The following ARHGEF17 variants were observed in gnomAD, a reference collection of about 807,000 sequenced individuals.
The protein encoded by ARHGEF17 is Rho guanine nucleotide exchange factor 17, also known as 164 kDa Rho-specific guanine-nucleotide exchange factor.
A neutral mutation model predicts 174.0 loss-of-function variants in ARHGEF17; 80 were observed. The ratio of observed to expected loss-of-function variants is 0.46; its 90% confidence interval spans 0.38 to 0.55. The LOEUF (loss-of-function observed/expected upper bound fraction) is 0.55, where lower values mean the gene tolerates loss of function less well. ARHGEF17 is among the 20% of genes least tolerant of loss of function. The pLI is 0.00. For missense variants in ARHGEF17, 2,886 were observed against 2,839.7 expected (o/e 1.02, Z -0.37); for synonymous variants, 1,311 against 1,189.1 (o/e 1.10, Z -2.11).
rs1565184957 is a variant in ARHGEF17, at chr11:73,310,943, C to T, written c.2305C>T (p.Leu769Phe). Residue 769 changes from leucine (L) to phenylalanine (F), a missense_variant, in exon 1 of 21, where the codon CTC becomes TTC. Leu to Phe is a conservative substitution (Grantham distance 22). Around this residue, in one of 4 missense-constraint regions of ARHGEF17, gnomAD observed 1,728 missense variants for 1,461.2 expected, o/e 1.18. Transcript: ENST00000263674. Reference sequence around the variant, plus strand: ...GGGCTCACTGAGCCCCAAGACAGGGCTCCCTGCCACCTCAGCCATGGATGA... The same window carrying T: ...GGGCTCACTGAGCCCCAAGACAGGGTTCCCTGCCACCTCAGCCATGGATGA... The part of the protein sequence containing the change: ...LLGSLSPKTG[L>F]PATSAMDEGL... 6.2e-7 allele frequency: 1 copy of T among 1,614,116 alleles called. No individual in the cohort carries two copies. The highest frequency in any genetic ancestry group is 2.2e-5 in the East Asian group (1 of 44,878).
At chr11:73,359,703 T>G in intron 9 of ARHGEF17, 131 bp from the exon 10 acceptor site, 1 of 707,998 alleles carries the variant, frequency 1.4e-6, no homozygotes, top group Admixed American at 2.9e-5. Context: ...GAGCTTGGGG[T>G]TTCTATGCTT....
intron 1 of ARHGEF17, among the ~76,000 whole-genome samples, chr11:73,322,232 C>A (rs1211848613): frequency 3.3e-5 from 5 of 152,202 alleles, no homozygotes; most frequent in African/African-American, 1.2e-4. Flanking sequence ...TTCTTGGTAT[C>A]CCCCGCCTTT....
intron 12 of ARHGEF17, among the ~76,000 whole-genome samples, chr11:73,361,692 A>G (rs1050180338): frequency 6.6e-6 from 1 of 152,090 alleles, no homozygotes; most frequent in African/African-American, 2.4e-5. Flanking sequence ...TATCTCTACA[A>G]AAAATTCAAA....
chr11:73,360,272 G>A lies in ARHGEF17; in HGVS notation c.4207-48G>A, dbSNP rs375683089. ...CCCCACACATTAAGGGCAGGTGCAG[G>A]CTCTGGTGAGATGCTGGGGCCTGAG... On this transcript the variant is annotated intron_variant, in intron 10 of 20. Coordinates refer to ENST00000263674, the MANE Select transcript of ARHGEF17 (RefSeq NM_014786.4). The A allele has an allele frequency of 2.1e-4, 334 of 1,602,740 alleles. 1 individual carries two copies. The highest frequency in any genetic ancestry group is 2.7e-4 in the Non-Finnish European group (316 of 1,173,480).
chr11:73,309,578 A>T lies in ARHGEF17; in HGVS notation c.940A>T (p.Asn314Tyr). Residue 314 changes from asparagine to tyrosine, a missense_variant, in exon 1 of 21, where the codon AAT (asparagine) becomes TAT (tyrosine). Transcript: ENST00000263674. ...CTGCAGGCCTGACAGTGATGGGTTAAATCTAAGCAGCATGAACTCAGCAGG... is the reference window on the plus strand; with the variant it reads ...CTGCAGGCCTGACAGTGATGGGTTATATCTAAGCAGCATGAACTCAGCAGG... ...QDCRPDSDGLNLSSMNSAGVS... is the reference protein window; with the variant it reads ...QDCRPDSDGLYLSSMNSAGVS... 1 of 1,612,220 alleles carries T rather than the reference A, an allele frequency of 6.2e-7. No individual in the cohort carries two copies. The highest frequency in any genetic ancestry group is 8.5e-7 in the Non-Finnish European group (1 of 1,179,412).
intron 20 of ARHGEF17, among the ~76,000 whole-genome samples, chr11:73,366,264 G>T (rs1865837235): frequency 6.6e-6 from 1 of 152,142 alleles, no homozygotes; most frequent in South Asian, 2.1e-4. Context: ...TAGAAAATAT[G>T]TCCTGTTGTA....
Position 73,365,334 on chromosome 11 carries a change from G to A in ARHGEF17, c.5551-56G>A. 1 of 1,596,560 alleles carries A rather than the reference G, an allele frequency of 6.3e-7. No homozygotes were observed. Among genetic ancestry groups the A allele is most frequent in the Non-Finnish European group, 8.6e-7 (1 of 1,168,338 alleles). On this transcript the variant is annotated intron_variant, in intron 18 of 20. Coordinates refer to ENST00000263674, the MANE Select transcript of ARHGEF17 (RefSeq NM_014786.4). This position sits in a 1 kb window ranked among gnomAD's most constrained non-coding sequence, Gnocchi z 4.9. ...GACACTGGTGAAGCTCCAGGCTAGG[G>A]TGGGCCAAGGGAGGCAGGCCTGCCA...
chr11:73,364,094 A>G, intron 16 of ARHGEF17, 78 bp from the exon 17 acceptor site: 1 of 1,440,388 alleles, frequency 6.9e-7, no homozygotes, highest in South Asian at 1.2e-5. Flanking sequence ...TACCCATTCT[A>G]TCTGTGGTTC....
intron 2 of ARHGEF17, among the ~76,000 whole-genome samples, chr11:73,351,354 A>T (rs541435421): frequency 3.7e-4 from 57 of 152,240 alleles, no homozygotes; most frequent in Middle Eastern, 6.8e-3. Flanking sequence ...GTTACAGCGT[A>T]GGGCCAGTAG....
chr11:73,335,181 C>T (rs140975647), intron 1 of ARHGEF17, among the ~76,000 whole-genome samples: 1,685 of 152,226 alleles, frequency 0.011, 14 homozygotes, highest in Non-Finnish European at 0.018. Context: ...TTTAGCAAGT[C>T]CTACCTACCC....
Position 73,360,438 on chromosome 11 carries a change from G to C in ARHGEF17, c.4325G>C (p.Arg1442Pro). Residue 1442 changes from arginine (R) to proline (P), a missense_variant, in exon 11 of 21, where the codon CGG becomes CCG. Around this residue, in one of 4 missense-constraint regions of ARHGEF17, gnomAD observed 476 missense variants for 473.1 expected, o/e 1.01. Transcript: ENST00000263674. ...ACCAAGCTGGAGCTGTGCGCCACTC[G>C]GCCCGAGGGCACCGACTCCTACATT... ...PPTKLELCAT[R>P]PEGTDSYIFE... 1 of 1,614,006 alleles carries C rather than the reference G, an allele frequency of 6.2e-7. No individual in the cohort carries two copies.
chr11:73,328,232 G>C (rs559471048), intron 1 of ARHGEF17, among the ~76,000 whole-genome samples: 6 of 152,318 alleles, frequency 3.9e-5, no homozygotes, highest in African/African-American at 1.2e-4. Flanking sequence ...AGGGAGGCTT[G>C]GAGTTCCCCA....
intron 1 of ARHGEF17, among the ~76,000 whole-genome samples, chr11:73,344,164 G>T (rs1219405381): frequency 6.6e-6 from 1 of 152,160 alleles, no homozygotes; most frequent in African/African-American, 2.4e-5. Context: ...TGGGGAGGCT[G>T]GGTGTGAAGG....
At chr11:73,317,799 T>C (rs1213931685) in intron 1 of ARHGEF17, among the ~76,000 whole-genome samples, 4 of 152,146 alleles carry the variant, frequency 2.6e-5, no homozygotes, top group Non-Finnish European at 5.9e-5. Flanking sequence ...GCTGCTGGGC[T>C]CTGTGCAGTG....
chr11:73,353,204 C>G (rs1050294630), intron 3 of ARHGEF17, 192 bp downstream of exon 3: 5 of 711,956 alleles, frequency 7.0e-6, no homozygotes, highest in African/African-American at 1.8e-5. Context: ...CACTCCCCTA[C>G]CCCAAAGCTT....
chr11:73,309,770 C>G lies in ARHGEF17; in HGVS notation c.1132C>G (p.Pro378Ala). 1 of 1,613,016 alleles carries G rather than the reference C, an allele frequency of 6.2e-7. No homozygotes were observed. Among genetic ancestry groups the G allele is most frequent in the Admixed American group, 1.7e-5 (1 of 60,028 alleles). Residue 378 changes from proline to alanine, a missense_variant, in exon 1 of 21, where the codon CCC (proline) becomes GCC (alanine). By Grantham distance (27) the Pro-to-Ala change is conservative. Transcript: ENST00000263674. Reference sequence around the variant, plus strand: ...TTTCCGTGTGGCCAAGGTGAGCTTTCCCTCGTACCTGGCCAGCCCCGCAGG... The same window carrying G: ...TTTCCGTGTGGCCAAGGTGAGCTTTGCCTCGTACCTGGCCAGCCCCGCAGG... The part of the protein sequence containing the change: ...GAFRVAKVSF[P>A]SYLASPAGSR...
chr11:73,348,161 AG>A (rs1008913493), intron 2 of ARHGEF17, among the ~76,000 whole-genome samples: 9 of 152,172 alleles, frequency 5.9e-5, no homozygotes, highest in African/African-American at 2.2e-4. Context: ...GTGACAGCAA[AG>A]GGTAAAGGTA....
intron 2 of ARHGEF17, chr11:73,347,249 G>A (rs886681831): frequency 1.9e-5 from 10 of 516,466 alleles, no homozygotes; most frequent in South Asian, 8.5e-5. Flanking sequence ...ACTTAGATCC[G>A]TGAACTCCCT....
At chr11:73,351,051 C>T (rs570017652) in intron 2 of ARHGEF17, among the ~76,000 whole-genome samples, 1 of 152,244 alleles carries the variant, frequency 6.6e-6, no homozygotes, top group Admixed American at 6.5e-5. Context: ...GTGTGGGGTG[C>T]CGGGACCCTG....
Sources: gnomAD v4.1 joint callset for allele counts (sites outside exome capture counted in the v4.1 genomes callset) on GRCh38, gnomAD v4.1.1 for gene constraint, gnomAD v4.1.1 regional missense constraint, Gnocchi (gnomAD v3.1) non-coding constraint, MANE v1.5 for transcripts, NCBI Gene and HGNC (gene_info 2026-07-23, HGNC 2026-07-21) for gene names.